ECE1: variants seen among roughly 807,000 people sequenced by gnomAD.
ECE1 encodes the protein endothelin converting enzyme 1, also known as endothelin-converting enzyme 1.
In ECE1, 35 loss-of-function variants were observed where a neutral mutation model predicts 98.6. The ratio of observed to expected loss-of-function variants is 0.35; its 90% CI spans 0.27 to 0.47. ECE1 has a LOEUF of 0.47. Among genes scored for constraint, ECE1 ranks in the 20% least tolerant of loss-of-function variants. The pLI, the probability that ECE1 is intolerant of heterozygous loss-of-function variation, is 1.00. For missense variants in ECE1, 814 were observed against 1,025.3 expected (o/e 0.79, Z 2.81); for synonymous variants, 394 against 407.1 (o/e 0.97, Z 0.39).
At chr1:21,279,406 C>T (rs745406184) in intron 2 of ECE1, 74 bp from the exon 3 acceptor site, 57 of 1,610,916 alleles carry the variant, frequency 3.5e-5, no homozygotes, top group Admixed American at 3.2e-4. Flanking sequence ...GAAGGGGTTC[C>T]GCTGCAGGCC....
rs545856693 is a variant in ECE1 at position 21,262,551 on chromosome 1, G to A, written c.494-2159C>T. On this transcript the variant is annotated intron_variant, in intron 4 of 18. Coordinates refer to ENST00000374893, the MANE Select transcript of ECE1 (RefSeq NM_001397.3). Reference sequence around the variant, plus strand: ...AAAGCCCTGAAATGCCAGGGCCAGCGCTGGGGAAGGCACTCTGTGTGCTCT... The same window carrying A: ...AAAGCCCTGAAATGCCAGGGCCAGCACTGGGGAAGGCACTCTGTGTGCTCT... Among the ~76,000 whole-genome samples, 57 of 152,336 alleles carry A rather than the reference G, an allele frequency of 3.7e-4. 1 individual carries two copies. The highest frequency in any genetic ancestry group is 1.2e-3 in the African/African-American group (50 of 41,576).
intron 1 of ECE1, among the ~76,000 whole-genome samples, chr1:21,335,212 T>G (rs1309253960): frequency 6.6e-6 from 1 of 151,674 alleles, no homozygotes; most frequent in Admixed American, 6.6e-5. Flanking sequence ...TCAACCTTCA[T>G]GTCCCAGCTC....
chr1:21,335,337 T>C (rs1639286540), intron 1 of ECE1, among the ~76,000 whole-genome samples: 1 of 152,104 alleles, frequency 6.6e-6, no homozygotes. Flanking sequence ...ATCCTTCTGG[T>C]GGGTGGCTTT....
upstream of ECE1, chr1:21,290,521 C>A: frequency 8.3e-7 from 1 of 1,203,634 alleles, no homozygotes; most frequent in Non-Finnish European, 1.0e-6. The surrounding 1 kb of genome is among the most constrained non-coding windows in gnomAD (Gnocchi z 7.3). Context: ...TTCGCCGGCG[C>A]CCGGTTCCCA....
chr1:21,233,585 T>C lies in ECE1; in HGVS notation c.1643A>G (p.Gln548Arg). ...ATCTCTGTTGGGGGCTTTCCTGAGC[T>C]GATCGGCAGTGACCCTCCATGAGAA... ...FNFSWRVTAD[Q>R]LRKAPNRDQW... The change falls in exon 14 of 19, where the codon CAG (glutamine) becomes CGG (arginine). Residue 548 changes from glutamine to arginine, a missense_variant. By Grantham distance (43) the Gln-to-Arg change is conservative. Coordinates refer to ENST00000374893, the MANE Select transcript of ECE1 (RefSeq NM_001397.3). This position sits in a 1 kb window ranked among gnomAD's most constrained non-coding sequence, Gnocchi z 4.0. 6.2e-7 allele frequency: 1 copy of C among 1,613,826 alleles called. No homozygotes were observed. Among genetic ancestry groups the C allele is most frequent in the Non-Finnish European group, 8.5e-7 (1 of 1,179,982 alleles).
At chr1:21,286,873 G>A (rs1208527098) in intron 2 of ECE1, among the ~76,000 whole-genome samples, 1 of 150,708 alleles carries the variant, frequency 6.6e-6, no homozygotes, top group African/African-American at 2.4e-5. Context: ...CCCAGATTGC[G>A]CCACTGCACT....
At chr1:21,227,849 G>A (rs2098176287) in intron 15 of ECE1, 82 bp downstream of exon 15, 1 of 1,115,148 alleles carries the variant, frequency 9.0e-7, no homozygotes, top group East Asian at 2.6e-5. Flanking sequence ...AAGATCACAT[G>A]GTGAGACTGG....
chr1:21,262,049 C>G (rs200358090), intron 4 of ECE1, among the ~76,000 whole-genome samples: 1 of 152,170 alleles, frequency 6.6e-6, no homozygotes, highest in Non-Finnish European at 1.5e-5. Flanking sequence ...CCCCCCGATC[C>G]TCACCATAAA....
Position 21,322,497 on chromosome 1 carries a change from G to A in ECE1, c.3+22879C>T, listed in dbSNP as rs188904939. Among the ~76,000 whole-genome samples the A allele has an allele frequency of 4.9e-4, 75 of 152,340 alleles. No homozygotes were observed. The highest frequency in any genetic ancestry group is 6.5e-4 in the Non-Finnish European group (44 of 68,032). On this transcript the variant is annotated intron_variant, in intron 1 of 18. Coordinates refer to the ECE1 transcript ENST00000415912. The surrounding 1 kb of genome is among the most constrained non-coding windows in gnomAD (Gnocchi z 4.1). Reference sequence around the variant, plus strand: ...CCTTCTCACCTGGCCAGTGCAAGGCGCAGGCTGAGGCACAGGTTGGGGCTG... The same window carrying A: ...CCTTCTCACCTGGCCAGTGCAAGGCACAGGCTGAGGCACAGGTTGGGGCTG...
At chr1:21,236,050 G>A in intron 12 of ECE1, 123 bp from the exon 13 acceptor site, 2 of 902,466 alleles carry the variant, frequency 2.2e-6, no homozygotes, top group Non-Finnish European at 3.7e-6. Context: ...GCCTGCCTTG[G>A]GCTTTCATGT....
chr1:21,300,544 C>T (rs1337397915), intron 1 of ECE1, among the ~76,000 whole-genome samples: 3 of 152,120 alleles, frequency 2.0e-5, no homozygotes, highest in Admixed American at 6.5e-5. Context: ...AAGCAATTCT[C>T]CTACCTCAGC....
Position 21,273,229 on chromosome 1 carries a change from C to T in ECE1, c.281-318G>A, listed in dbSNP as rs369069073. Among the ~76,000 whole-genome samples the T allele has an allele frequency of 7.2e-5, 11 of 152,214 alleles. No homozygotes were observed. The East Asian group carries it at 1.3e-3, about 19-fold the overall frequency. Reference sequence around the variant, plus strand: ...GATGCTCAACAAATTTATTCATTCACGCATGCATTCATTTATTCAGCAAGA... The same window carrying T: ...GATGCTCAACAAATTTATTCATTCATGCATGCATTCATTTATTCAGCAAGA... On this transcript the variant is annotated intron_variant, in intron 3 of 18. Transcript: ENST00000374893.
At chr1:21,284,112 G>A (rs992032502) in intron 2 of ECE1, among the ~76,000 whole-genome samples, 1 of 152,208 alleles carries the variant, frequency 6.6e-6, no homozygotes, top group Non-Finnish European at 1.5e-5. Context: ...CGCTGGCCTC[G>A]GCTGAGTCTC....
In ECE1 at chr1:21,219,847, A is replaced by AGCAGG. The variant is rs2098165099; in HGVS notation, c.*103_*107dup. 1.0e-5 allele frequency: 15 copies of AGCAGG among 1,435,638 alleles called. No individual in the cohort carries two copies. The highest frequency in any genetic ancestry group is 2.4e-4 in the Middle Eastern group (1 of 4,170). The allele number at this position is 1,435,638 out of a possible 1,614,324, so 88.9% of individuals were successfully genotyped here. ...GGCTGAAAACCCGCCAGTGTGAGGA[A>AGCAGG]GCAGGGCCCCGGGTGGCCAAGCGGG... is the stretch of plus-strand genomic sequence containing the variant. On this transcript the variant is annotated 3_prime_UTR_variant, in exon 19 of 19. Coordinates refer to ENST00000374893, the MANE Select transcript of ECE1 (RefSeq NM_001397.3). The surrounding 1 kb of genome is among the most constrained non-coding windows in gnomAD (Gnocchi z 4.5).
rs539999568 is a variant in ECE1 at position 21,220,725 on chromosome 1, G to C, written c.2137-594C>G. 6.6e-6 allele frequency among the ~76,000 whole-genome samples: 1 copy of C among 152,292 alleles called. No homozygotes were observed. The highest frequency in any genetic ancestry group is 1.9e-4 in the East Asian group (1 of 5,186). ...GCAGGAGAATCACTTGAACCCGGGA[G>C]GTTGAGGTTGCAGTGAGCCAAGATC... On this transcript the variant is annotated intron_variant, in intron 18 of 18. Transcript: ENST00000374893. This position sits in a 1 kb window ranked among gnomAD's most constrained non-coding sequence, Gnocchi z 5.0.
chr1:21,226,721 AATTTT>A (rs1343037036), intron 16 of ECE1, among the ~76,000 whole-genome samples: 11 of 152,058 alleles, frequency 7.2e-5, no homozygotes, highest in South Asian at 4.2e-4. Context: ...TAGTAGATAC[AATTTT>A]ATTTTATTTT....
Position 21,322,029 on chromosome 1 carries a change from C to G in ECE1, c.3+23347G>C, listed in dbSNP as rs1001229591. On this transcript the variant is annotated intron_variant, in intron 1 of 18. Transcript: ENST00000415912. The surrounding 1 kb of genome is among the most constrained non-coding windows in gnomAD (Gnocchi z 4.1). ...GTGTGATTCCCAGGTCCGAATGAAACAGAGCTGCGTCCCCGGCCACCCTTT... is the reference window on the plus strand; with the variant it reads ...GTGTGATTCCCAGGTCCGAATGAAAGAGAGCTGCGTCCCCGGCCACCCTTT... Among the ~76,000 whole-genome samples, 1 of 152,170 alleles carries G rather than the reference C, an allele frequency of 6.6e-6. No individual in the cohort carries two copies. Among genetic ancestry groups the G allele is most frequent in the African/African-American group, 2.4e-5 (1 of 41,414 alleles).
At chr1:21,303,118 TG>T (rs1335480624) in intron 1 of ECE1, among the ~76,000 whole-genome samples, 1 of 152,148 alleles carries the variant, frequency 6.6e-6, no homozygotes, top group East Asian at 1.9e-4. Context: ...TCCCTAAAAC[TG>T]GGCTCCACCA....
chr1:21,301,876 C>T (rs1367911858), intron 1 of ECE1, among the ~76,000 whole-genome samples: 3 of 150,724 alleles, frequency 2.0e-5, no homozygotes, highest in East Asian at 3.9e-4. Flanking sequence ...CAGCCATCTC[C>T]TGCAAGTTCT....
Sources: allele counts gnomAD v4.1 joint callset (sites outside exome capture counted in the v4.1 genomes callset), GRCh38; gene constraint gnomAD v4.1.1; non-coding constraint Gnocchi (gnomAD v3.1); transcripts MANE v1.5; gene names NCBI Gene and HGNC (gene_info 2026-07-23, HGNC 2026-07-21).